CAPN3: variants seen among roughly 807,000 people sequenced by gnomAD.
CAPN3 encodes the protein calpain 3.
CAPN3 carries 88 observed loss-of-function variants against 114.0 expected under a neutral mutation model. The ratio of observed to expected loss-of-function variants is 0.77; its 90% confidence interval spans 0.65 to 0.92. The LOEUF is 0.92. Among genes scored for constraint, CAPN3 ranks in the 40% least tolerant of loss-of-function variants. CAPN3 has a pLI of 0.00. For missense variants in CAPN3, 1,028 were observed against 1,069.0 expected, an observed-to-expected ratio of 0.96 and a Z score of 0.53; for synonymous variants, 386 against 382.9, an observed-to-expected ratio of 1.01 and a Z score of -0.09.
chr15:42,392,696 G>T lies in CAPN3; in HGVS notation c.1003G>T (p.Ala335Ser). 6.2e-7 allele frequency: 1 copy of T among 1,613,858 alleles called. No homozygotes were observed. The change falls in exon 7 of 24, where the codon GCC (alanine) becomes TCC (serine). Residue 335 changes from alanine (A) to serine (S), a missense_variant. Coordinates refer to ENST00000397163, the MANE Select transcript of CAPN3 (RefSeq NM_000070.3). ...RMACGLVRGH[A>S]YSVTGLDEVP... ...GGCCTGCGGGCTGGTCAGAGGTCAC[G>T]CCTACTCTGTCACGGGGCTGGATGA...
Position 42,412,112 on chromosome 15 carries a change from G to A in CAPN3, c.*339G>A. 6.5e-7 allele frequency: 1 copy of A among 1,535,662 alleles called. No individual in the cohort carries two copies. The highest frequency in any genetic ancestry group is 8.7e-7 in the Non-Finnish European group (1 of 1,146,822). ...CTGTCTGCAGAAGCACCTGCCGGTG[G>A]CACTCAGCACCTCCTTGTGCTAGAG... is the stretch of plus-strand genomic sequence containing the variant. On this transcript the variant is annotated 3_prime_UTR_variant, in exon 24 of 24. Coordinates refer to ENST00000397163, the MANE Select transcript of CAPN3 (RefSeq NM_000070.3).
Position 42,411,871 on chromosome 15 carries a change from C to T in CAPN3, c.*98C>T, listed in dbSNP as rs2054262644. ...TTTACCTCAAAGGACCCAGCAGCTA[C>T]ACCCCTACAGGCTTCCAGGCACCTC... is the stretch of plus-strand genomic sequence containing the variant. On this transcript the variant is annotated 3_prime_UTR_variant, in exon 24 of 24. Coordinates refer to ENST00000397163, the MANE Select transcript of CAPN3 (RefSeq NM_000070.3). 4 of 1,605,336 alleles carry T rather than the reference C, an allele frequency of 2.5e-6. No individual in the cohort carries two copies. The highest frequency in any genetic ancestry group is 1.1e-5 in the South Asian group (1 of 89,850).
In CAPN3 at chr15:42,403,139, C is replaced by A. The variant is rs1448109189; in HGVS notation, c.1745+137C>A. 2.4e-5 allele frequency: 17 copies of A among 717,136 alleles called. No homozygotes were observed. In the African/African-American group the frequency reaches 3.0e-4, roughly 12 times the overall value. 44.4% of individuals were successfully genotyped at this position (717,136 alleles called of 1,614,324 possible). A position where few individuals can be genotyped will look rare whatever the true frequency, so the allele number is the denominator to read the frequency against. ...CCTGAGCCACTGGCCACATTACCCC[C>A]ATTCATTCATTCATCCATTCTGTGA... is the stretch of plus-strand genomic sequence containing the variant. On this transcript the variant is annotated intron_variant, in intron 13 of 23. Transcript: ENST00000397163.
At chr15:42,394,190 A>C in intron 7 of CAPN3, 66 bp from the exon 8 acceptor site, 2 of 1,445,422 alleles carry the variant, frequency 1.4e-6, no homozygotes, top group Non-Finnish European at 1.9e-6. Flanking sequence ...CCCAGCCCTC[A>C]GCAAGACAGA....
rs1566972276 is a variant in CAPN3, at chr15:42,380,744, TA to T, written c.310-3738del. The stretch of plus-strand genomic sequence containing the variant: ...CACCTTCCCCATATATATATATATA[TA>T]TATATATTTTTTTTTTTTTTTTTTT... On this transcript the variant is annotated intron_variant, in intron 1 of 23. Coordinates refer to ENST00000397163, the MANE Select transcript of CAPN3 (RefSeq NM_000070.3). Among the ~76,000 whole-genome samples the T allele has an allele frequency of 6.9e-3, 406 of 59,186 alleles. 2 individuals are homozygous for T. The highest frequency in any genetic ancestry group is 0.029 in the South Asian group (39 of 1,326). The allele number at this position is 59,186 out of a possible 152,430, so 38.8% of individuals were successfully genotyped here.
rs1245025495 is a variant in CAPN3 at position 42,412,047 on chromosome 15, T to A, written c.*274T>A. 6.6e-7 allele frequency: 1 copy of A among 1,523,058 alleles called. No individual in the cohort carries two copies. The highest frequency in any genetic ancestry group is 8.8e-7 in the Non-Finnish European group (1 of 1,140,494). The allele number at this position is 1,523,058 out of a possible 1,614,324, so 94.3% of individuals were successfully genotyped here. A position where few individuals can be genotyped will look rare whatever the true frequency, so the allele number is the denominator to read the frequency against. Reference sequence around the variant, plus strand: ...GTGCCTGCCTCTGGTCCGAGCCGCCTCGGTTCTGAAGCGAGTGCTCCTGCT... The same window carrying A: ...GTGCCTGCCTCTGGTCCGAGCCGCCACGGTTCTGAAGCGAGTGCTCCTGCT... On this transcript the variant is annotated 3_prime_UTR_variant, in exon 24 of 24. Coordinates refer to ENST00000397163, the MANE Select transcript of CAPN3 (RefSeq NM_000070.3).
At chr15:42,393,782 T>TG (rs954319964) in intron 7 of CAPN3, among the ~76,000 whole-genome samples, 10 of 151,608 alleles carry the variant, frequency 6.6e-5, no homozygotes, top group African/African-American at 2.2e-4. Context: ...TTAGTAGAGA[T>TG]GGGGGTTTCT....
At chr15:42,392,439 C>T (rs911682789) in intron 6 of CAPN3, among the ~76,000 whole-genome samples, 200 bp from the exon 7 acceptor site, 1 of 152,180 alleles carries the variant, frequency 6.6e-6, no homozygotes, top group African/African-American at 2.4e-5. Context: ...TCAGGGAGAC[C>T]AGCCTGTCTG....
intron 8 of CAPN3, 47 bp downstream of exon 8, chr15:42,394,388 C>T: frequency 7.0e-7 from 1 of 1,437,084 alleles, no homozygotes; most frequent in East Asian, 2.5e-5. Flanking sequence ...GGAACAGGGT[C>T]CGGGACAAGG....
chr15:42,380,728 CATATAT>C (rs1263058025), intron 1 of CAPN3, among the ~76,000 whole-genome samples: 2 of 70,104 alleles, frequency 2.9e-5, no homozygotes, highest in Admixed American at 1.6e-4. Flanking sequence ...CCACCTTCCC[CATATAT>C]ATATATATAT....
intron 1 of CAPN3, among the ~76,000 whole-genome samples, chr15:42,384,196 A>C (rs972982455): frequency 6.6e-6 from 1 of 152,000 alleles, no homozygotes; most frequent in African/African-American, 2.4e-5. Flanking sequence ...GGTGGATCAC[A>C]AGGTCAAGAG....
At chr15:42,399,230 TCA>T (rs2053795259) in intron 9 of CAPN3, among the ~76,000 whole-genome samples, 1 of 152,222 alleles carries the variant, frequency 6.6e-6, no homozygotes, top group African/African-American at 2.4e-5. Context: ...GTTTTAGCTC[TCA>T]CATATGAGTG....
At chr15:42,372,576 G>A (rs879678482) in intron 1 of CAPN3, among the ~76,000 whole-genome samples, 7 of 152,050 alleles carry the variant, frequency 4.6e-5, no homozygotes, top group Non-Finnish European at 7.4e-5. Context: ...TCACCCAGGC[G>A]GTGGCTCACA....
chr15:42,401,572 C>T, intron 10 of CAPN3, 69 bp from the exon 11 acceptor site: 1 of 1,403,548 alleles, frequency 7.1e-7, no homozygotes, highest in East Asian at 2.7e-5. Flanking sequence ...AAATGGCTCC[C>T]TCTGTCTCAT....
intron 6 of CAPN3, among the ~76,000 whole-genome samples, chr15:42,391,609 G>T (rs574412349): frequency 2.4e-4 from 36 of 152,302 alleles, no homozygotes; most frequent in Non-Finnish European, 2.2e-4. Context: ...TTTTAAAGCT[G>T]TTACGTTAGT....
At chr15:42,400,612 G>A (rs2053836001) in intron 10 of CAPN3, among the ~76,000 whole-genome samples, 1 of 152,032 alleles carries the variant, frequency 6.6e-6, no homozygotes, top group African/African-American at 2.4e-5. Context: ...CTTGAGCTCG[G>A]GAGGTTGAGG....
intron 14 of CAPN3, chr15:42,404,512 G>A (rs2053965081): frequency 2.2e-6 from 1 of 451,860 alleles, no homozygotes. Context: ...GTAAGTGGCA[G>A]GGTTGGAACT....
At position 42,360,143 on chromosome 15, in the gene CAPN3, T is replaced by A. The variant is rs1566966137; in HGVS notation, c.309+29T>A. On this transcript the variant is annotated intron_variant, in intron 1 of 23. Transcript: ENST00000397163. Reference sequence around the variant, plus strand: ...AGTAGCTTCCTGCTTGCTGGCTGGGTTTTCCCCCCACGGAGGAGTCCTCTC... The same window carrying A: ...AGTAGCTTCCTGCTTGCTGGCTGGGATTTCCCCCCACGGAGGAGTCCTCTC... The A allele has an allele frequency of 7.4e-6, 12 of 1,613,384 alleles. No individual in the cohort carries two copies. The South Asian group carries it at 7.7e-5, about 10-fold the overall frequency.
intron 4 of CAPN3, among the ~76,000 whole-genome samples, chr15:42,388,306 A>G (rs2053457078): frequency 6.6e-6 from 1 of 152,006 alleles, no homozygotes; most frequent in African/African-American, 2.4e-5. Flanking sequence ...CTAATAATGG[A>G]TTTTTTAAAT....
Sources: gnomAD v4.1 joint callset for allele counts (sites outside exome capture counted in the v4.1 genomes callset) on GRCh38, gnomAD v4.1.1 for gene constraint, MANE v1.5 for transcripts, NCBI Gene and HGNC (gene_info 2026-07-23, HGNC 2026-07-21) for gene names.